The following SLIT3 variants were observed in gnomAD, a reference collection of about 807,000 sequenced individuals.
SLIT3 encodes slit guidance ligand 3, also known as slit homolog 3 protein.
Under a neutral mutation model 184.0 loss-of-function variants are expected in SLIT3, and 68 were observed. That is an observed-to-expected ratio of 0.37 (90% CI 0.30 to 0.45). The LOEUF (loss-of-function observed/expected upper bound fraction) is 0.45. Ranked by LOEUF, SLIT3 falls within the 20% of genes least tolerant of loss-of-function variation. SLIT3 has a pLI of 1.00. For missense variants in SLIT3, 1,707 were observed against 2,026.0 expected (o/e 0.84, Z 3.02); for synonymous variants, 831 against 828.6 (o/e 1.00, Z -0.05).
chr5:169,015,594 C>G (rs1164467857), intron 4 of SLIT3, among the ~76,000 whole-genome samples: 4 of 152,156 alleles, frequency 2.6e-5, no homozygotes, highest in Admixed American at 1.3e-4. Context: ...AATAGATACT[C>G]TCTAAGGATC....
intron 1 of SLIT3, among the ~76,000 whole-genome samples, chr5:169,286,250 A>G (rs2113652906): frequency 6.6e-6 from 1 of 152,352 alleles, no homozygotes; most frequent in Admixed American, 6.5e-5. Flanking sequence ...TATGTCTCTG[A>G]ATAAAACCTA....
intron 4 of SLIT3, among the ~76,000 whole-genome samples, chr5:168,907,978 A>C: frequency 8.4e-6 from 1 of 119,286 alleles, no homozygotes; most frequent in South Asian, 2.9e-4. Flanking sequence ...ATATATATAT[A>C]TAGAGAGAGA....
intron 4 of SLIT3, among the ~76,000 whole-genome samples, chr5:169,035,604 G>A (rs1388426028): frequency 1.4e-5 from 2 of 144,638 alleles, no homozygotes; most frequent in Non-Finnish European, 3.0e-5. Context: ...AGCCAAGATC[G>A]CACCACTGCA....
intron 4 of SLIT3, among the ~76,000 whole-genome samples, chr5:169,156,661 G>A (rs1370529744): frequency 6.6e-6 from 1 of 152,202 alleles, no homozygotes; most frequent in African/African-American, 2.4e-5. Context: ...ATGAGCAAAC[G>A]ATGGTGCAAA....
chr5:168,938,192 G>A (rs895549695), intron 4 of SLIT3, among the ~76,000 whole-genome samples: 2 of 152,192 alleles, frequency 1.3e-5, no homozygotes, highest in African/African-American at 4.8e-5. Flanking sequence ...CATGATGGCA[G>A]AATATGAGGC....
chr5:168,876,084 G>A (rs1250686854), intron 5 of SLIT3, among the ~76,000 whole-genome samples: 5 of 152,096 alleles, frequency 3.3e-5, no homozygotes, highest in African/African-American at 9.7e-5. Flanking sequence ...CTCTTCCTGC[G>A]TCAGAGCCGG....
At chr5:169,219,599 G>A (rs957789707) in intron 3 of SLIT3, among the ~76,000 whole-genome samples, 2 of 152,048 alleles carry the variant, frequency 1.3e-5, no homozygotes, top group Non-Finnish European at 2.9e-5. Context: ...GGCAGGGGTG[G>A]GCCCTGCTGA....
chr5:168,863,476 C>A (rs1253462663), intron 5 of SLIT3, among the ~76,000 whole-genome samples: 3 of 152,188 alleles, frequency 2.0e-5, no homozygotes, highest in Non-Finnish European at 4.4e-5. Context: ...ATCAGAAATG[C>A]CCGTTGAATA....
At chr5:169,260,500 T>G (rs542549407) in intron 1 of SLIT3, among the ~76,000 whole-genome samples, 1 of 152,318 alleles carries the variant, frequency 6.6e-6, no homozygotes, top group Admixed American at 6.5e-5. Flanking sequence ...CAACAAAGGT[T>G]ACAGTTCGTC....
At chr5:168,746,322 A>G (rs866249878) in intron 20 of SLIT3, among the ~76,000 whole-genome samples, 938 of 61,306 alleles carry the variant, frequency 0.015, 4 homozygotes, top group Non-Finnish European at 0.02. Flanking sequence ...GTGTGGTGGT[A>G]TGTGGTGTGT....
intron 3 of SLIT3, among the ~76,000 whole-genome samples, chr5:169,224,159 CT>C (rs994095897): frequency 1.3e-5 from 2 of 152,014 alleles, no homozygotes; most frequent in Non-Finnish European, 2.9e-5. Context: ...CTTTTTTTAA[CT>C]GGTAGAATGG....
At chr5:169,251,516 T>C (rs1765774363) in intron 1 of SLIT3, 57 bp from the exon 2 acceptor site, 1 of 1,152,706 alleles carries the variant, frequency 8.7e-7, no homozygotes. Context: ...ACGGTCTATT[T>C]AATCCAGACT....
chr5:169,299,856 G>T (rs1359441287), intron 1 of SLIT3, among the ~76,000 whole-genome samples: 2 of 152,082 alleles, frequency 1.3e-5, no homozygotes, highest in Non-Finnish European at 2.9e-5. Flanking sequence ...CCATTCTCCG[G>T]CCCCTTCGTT....
At chr5:168,667,791 G>C (rs1761104016) in intron 35 of SLIT3, 1 of 152,224 alleles carries the variant, frequency 6.6e-6, no homozygotes, top group Non-Finnish European at 1.5e-5. Flanking sequence ...TTCAGGTGTT[G>C]TTAAAAGTCT....
At chr5:169,258,375 T>C (rs1204771425) in intron 1 of SLIT3, among the ~76,000 whole-genome samples, 2 of 152,208 alleles carry the variant, frequency 1.3e-5, no homozygotes, top group African/African-American at 2.4e-5. Flanking sequence ...GACATACCCT[T>C]AGTAACTTTG....
chr5:168,860,835 C>T (rs1759076737), intron 5 of SLIT3, among the ~76,000 whole-genome samples: 1 of 152,180 alleles, frequency 6.6e-6, no homozygotes, highest in Admixed American at 6.5e-5. Context: ...CTATGAAACC[C>T]CAATAAGGGC....
chr5:168,878,887 G>A (rs528384400), intron 5 of SLIT3, among the ~76,000 whole-genome samples: 118 of 152,018 alleles, frequency 7.8e-4, no homozygotes, highest in Middle Eastern at 6.8e-3. Context: ...GCTAATTTTT[G>A]TATTTTTAGT....
At chr5:168,899,443 G>A (rs1267038890) in intron 4 of SLIT3, among the ~76,000 whole-genome samples, 1 of 152,092 alleles carries the variant, frequency 6.6e-6, no homozygotes, top group Non-Finnish European at 1.5e-5. Flanking sequence ...AAACCCAGGC[G>A]TTTGAGGTTA....
rs60855986 is a variant in SLIT3 at position 169,044,596 on chromosome 5, G to C, written c.413+148883C>G. On this transcript the variant is annotated intron_variant, in intron 4 of 35. Transcript: ENST00000519560. ...GGGGGCTGGAGGAAGGTGGGGGGGG[G>C]GATGGGGAGAAATTGTTAATGGGTA... Among the ~76,000 whole-genome samples, 6 of 148,784 alleles carry C rather than the reference G, an allele frequency of 4.0e-5. No homozygotes were observed. In the South Asian group the frequency reaches 1.1e-3, roughly 27 times the overall value.
Sources: gnomAD v4.1 joint callset for allele counts (sites outside exome capture counted in the v4.1 genomes callset) on GRCh38, gnomAD v4.1.1 for gene constraint, MANE v1.5 for transcripts, NCBI Gene and HGNC (gene_info 2026-07-23, HGNC 2026-07-21) for gene names.